The following ABI1 variants were observed in gnomAD, a reference collection of about 807,000 sequenced individuals.
ABI1 encodes abl interactor 1.
A neutral mutation model predicts 54.6 loss-of-function variants in ABI1; 14 were observed. That is an observed-to-expected ratio of 0.26 (90% CI 0.17 to 0.40). ABI1 has a LOEUF of 0.40. Ranked by LOEUF, ABI1 falls within the 10% of genes least tolerant of loss-of-function variation. ABI1 has a pLI of 1.00. For missense variants in ABI1, 443 were observed against 598.3 expected (o/e 0.74, Z 2.71); for synonymous variants, 194 against 209.3 (o/e 0.93, Z 0.63).
At chr10:26,820,872 T>C (rs894583827) in intron 2 of ABI1, among the ~76,000 whole-genome samples, 1 of 152,046 alleles carries the variant, frequency 6.6e-6, no homozygotes, top group Admixed American at 6.6e-5. Context: ...GAGGGACATT[T>C]ACAGACCTAA....
rs141576959 is a variant in ABI1, at chr10:26,857,308, G to A, written c.117+3439C>T. Reference sequence around the variant, plus strand: ...TGCACTCCAGCCCAGGCAATAGAGCGAGACTCCATCTCAAAAAAAAAAAAA... The same window carrying A: ...TGCACTCCAGCCCAGGCAATAGAGCAAGACTCCATCTCAAAAAAAAAAAAA... On this transcript the variant is annotated intron_variant, in intron 1 of 10. Coordinates refer to ENST00000376140, the MANE Select transcript of ABI1 (RefSeq NM_001012750.3). Among the ~76,000 whole-genome samples the A allele has an allele frequency of 9.9e-3, 1,171 of 118,642 alleles. 8 individuals are homozygous for A. The highest frequency in any genetic ancestry group is 0.036 in the Middle Eastern group (5 of 138). The allele number at this position is 118,642 out of a possible 152,430, so 77.8% of individuals were successfully genotyped here. A position where few individuals can be genotyped will look rare whatever the true frequency, so the allele number is the denominator to read the frequency against.
intron 1 of ABI1, among the ~76,000 whole-genome samples, chr10:26,837,638 G>T (rs572248003): frequency 1.3e-5 from 2 of 152,186 alleles, no homozygotes; most frequent in Admixed American, 1.3e-4. Flanking sequence ...TTGAAACAGA[G>T]TCTCACTCTG....
chr10:26,764,017 T>C, intron 7 of ABI1: 2 of 1,360,378 alleles, frequency 1.5e-6, no homozygotes, highest in Non-Finnish European at 2.0e-6. Flanking sequence ...CTCAACATTT[T>C]GAAACAGCAA....
At chr10:26,749,901 T>C (rs556906188) in intron 10 of ABI1, among the ~76,000 whole-genome samples, 2 of 152,234 alleles carry the variant, frequency 1.3e-5, no homozygotes, top group African/African-American at 2.4e-5. Context: ...AAATATTTAC[T>C]ATCTGGCTTT....
intron 4 of ABI1, among the ~76,000 whole-genome samples, 199 bp downstream of exon 4, chr10:26,770,876 G>A (rs967202606): frequency 6.6e-6 from 1 of 152,130 alleles, no homozygotes; most frequent in Admixed American, 6.6e-5. Context: ...AAACACAGAT[G>A]TCAATATATC....
intron 2 of ABI1, chr10:26,790,754 G>A (rs1411256194): frequency 3.9e-5 from 6 of 152,136 alleles, no homozygotes; most frequent in African/African-American, 1.4e-4. Flanking sequence ...CTGAATTTGG[G>A]TAATGCAAGA....
At chr10:26,846,823 C>T (rs1482410952) in intron 1 of ABI1, among the ~76,000 whole-genome samples, 1 of 152,156 alleles carries the variant, frequency 6.6e-6, no homozygotes, top group Non-Finnish European at 1.5e-5. Flanking sequence ...ACATGCTGCT[C>T]TCCCCTCCAC....
In ABI1 at chr10:26,760,889, A is replaced by C. The variant is rs1237237399; in HGVS notation, c.821-1651T>G. Among the ~76,000 whole-genome samples, 6 of 27,272 alleles carry C rather than the reference A, an allele frequency of 2.2e-4. No individual in the cohort carries two copies. In the African/African-American group the frequency reaches 5.4e-3, roughly 25 times the overall value. 17.9% of individuals were successfully genotyped at this position (27,272 alleles called of 152,430 possible). A position where few individuals can be genotyped will look rare whatever the true frequency, so the allele number is the denominator to read the frequency against. On this transcript the variant is annotated intron_variant, in intron 7 of 10. Transcript: ENST00000376140. ...GAGTGACGGAGAAAGACTCCATCTC[A>C]AAAAAAAAAAAAAAAAAAAAAAAAA... is the stretch of plus-strand genomic sequence containing the variant.
At position 26,770,410 on chromosome 10, in the gene ABI1, T is replaced by G. The variant is rs1228678913; in HGVS notation, c.478-65A>C. 8.7e-6 allele frequency: 12 copies of G among 1,377,962 alleles called. No homozygotes were observed. The Admixed American group carries it at 1.5e-4, about 18-fold the overall frequency. The allele number at this position is 1,377,962 out of a possible 1,614,324, so 85.4% of individuals were successfully genotyped here. The stretch of plus-strand genomic sequence containing the variant: ...TTGTTCTCCTGGTGTTTTAACACCA[T>G]GTATTATTTTTTTTAAATATCAGAA... On this transcript the variant is annotated intron_variant, in intron 4 of 10. Transcript: ENST00000376140.
chr10:26,816,986 T>TTGTGTG (rs71403891), intron 2 of ABI1, among the ~76,000 whole-genome samples: 8,838 of 143,762 alleles, frequency 0.061, 510 homozygotes, highest in African/African-American at 0.15. Flanking sequence ...TGCAAAGACT[T>TTGTGTG]TGTGTGTGTG....
intron 8 of ABI1, 70 bp downstream of exon 8, chr10:26,758,992 T>C (rs1332514155): frequency 7.0e-7 from 1 of 1,422,178 alleles, no homozygotes; most frequent in Non-Finnish European, 9.6e-7. Context: ...CTGGCAAGAA[T>C]AACAGTTTCA....
At chr10:26,842,495 T>G (rs2049596776) in intron 1 of ABI1, among the ~76,000 whole-genome samples, 1 of 151,720 alleles carries the variant, frequency 6.6e-6, no homozygotes, top group Non-Finnish European at 1.5e-5. Flanking sequence ...AAAAAGAAAA[T>G]TCTAGCTGGA....
At chr10:26,778,526 G>C (rs1202362306) in intron 2 of ABI1, among the ~76,000 whole-genome samples, 1 of 150,434 alleles carries the variant, frequency 6.6e-6, no homozygotes, top group African/African-American at 2.4e-5. Flanking sequence ...TACTCCCATG[G>C]AAAAGAACAG....
At chr10:26,779,659 T>G (rs907829803) in intron 2 of ABI1, among the ~76,000 whole-genome samples, 18 of 152,184 alleles carry the variant, frequency 1.2e-4, no homozygotes, top group African/African-American at 3.4e-4. Flanking sequence ...TGCTCAGGCA[T>G]GTAATGGTTG....
At chr10:26,834,209 G>A (rs1247323457) in intron 1 of ABI1, among the ~76,000 whole-genome samples, 4 of 152,020 alleles carry the variant, frequency 2.6e-5, no homozygotes, top group South Asian at 2.1e-4. Context: ...CAGCCTGGGC[G>A]ACAGAGCGAG....
chr10:26,776,905 G>T, intron 3 of ABI1, 160 bp downstream of exon 3: 2 of 598,312 alleles, frequency 3.3e-6, no homozygotes, highest in Non-Finnish European at 5.4e-6. Context: ...TGATAAAATT[G>T]CACCCCAACC....
intron 2 of ABI1, among the ~76,000 whole-genome samples, chr10:26,786,933 G>T (rs1316702509): frequency 6.6e-6 from 1 of 152,124 alleles, no homozygotes; most frequent in Non-Finnish European, 1.5e-5. Context: ...TAAAGTGAAC[G>T]TGTTCAAAAT....
At chr10:26,781,048 T>A (rs1010069863) in intron 2 of ABI1, among the ~76,000 whole-genome samples, 3 of 152,216 alleles carry the variant, frequency 2.0e-5, no homozygotes, top group Admixed American at 2.0e-4. Flanking sequence ...AAGGCATTAG[T>A]AGGTTTGGGG....
At chr10:26,784,424 T>C (rs1842482762) in intron 2 of ABI1, among the ~76,000 whole-genome samples, 2 of 152,058 alleles carry the variant, frequency 1.3e-5, no homozygotes, top group African/African-American at 2.4e-5. Flanking sequence ...CACAAACCAG[T>C]ACTAGAGAAG....
Sources: gnomAD v4.1 joint callset for allele counts (sites outside exome capture counted in the v4.1 genomes callset) on GRCh38, gnomAD v4.1.1 for gene constraint, MANE v1.5 for transcripts, NCBI Gene and HGNC (gene_info 2026-07-23, HGNC 2026-07-21) for gene names.